TRIM37: variants seen among roughly 807,000 people sequenced by gnomAD.
The protein encoded by TRIM37 is tripartite motif containing 37.
TRIM37 carries 80 observed loss-of-function variants against 129.8 expected under a neutral mutation model. That is an observed-to-expected ratio of 0.62 (90% confidence interval 0.51 to 0.74). The LOEUF (loss-of-function observed/expected upper bound fraction) is 0.74. Ranked by LOEUF, TRIM37 falls within the 30% of genes least tolerant of loss-of-function variation. The probability of loss-of-function intolerance (pLI) is 0.00; values close to 1 mark genes in which losing one functional copy is unlikely to be tolerated. For synonymous variants in TRIM37, 389 were observed against 387.1 expected (o/e 1.00, Z -0.06); for missense variants, 1,054 against 1,176.5 (o/e 0.90, Z 1.52).
At chr17:59,078,163 TTATGG>T (rs1444018274) in intron 7 of TRIM37, among the ~76,000 whole-genome samples, 1 of 151,986 alleles carries the variant, frequency 6.6e-6, no homozygotes, top group Non-Finnish European at 1.5e-5. Flanking sequence ...GTGGCAGATA[TTATGG>T]TATGAATTAA....
chr17:59,056,702 C>T (rs549123935), intron 13 of TRIM37, among the ~76,000 whole-genome samples, 173 bp downstream of exon 13: 3 of 74,160 alleles, frequency 4.0e-5, no homozygotes, highest in East Asian at 9.0e-4. Context: ...GGCGACAGAG[C>T]GAGACTATGT....
At chr17:59,008,439 C>T (rs2034824783) in intron 22 of TRIM37, among the ~76,000 whole-genome samples, 1 of 152,194 alleles carries the variant, frequency 6.6e-6, no homozygotes, top group Non-Finnish European at 1.5e-5. Flanking sequence ...TTCACTATGG[C>T]CAAGCAAATG....
At position 59,038,658 on chromosome 17, in the gene TRIM37, G is replaced by T. The variant is rs115460683; in HGVS notation, c.1753+3155C>A. 3.0e-3 allele frequency among the ~76,000 whole-genome samples: 454 copies of T among 152,148 alleles called. 4 individuals are homozygous for T. Among genetic ancestry groups the T allele is most frequent in the African/African-American group, 0.011 (438 of 41,516 alleles). On this transcript the variant is annotated intron_variant, in intron 17 of 23. Transcript: ENST00000262294. ...AAGTGTATATAAATGTTATATACAA[G>T]AATCTCTCTACCACACAGTTTAAGA...
Position 59,039,594 on chromosome 17 carries a change from C to T in TRIM37, c.1753+2219G>A, listed in dbSNP as rs1289496024. ...TCTGCTGACATCGTGATCCACCCAC[C>T]TCGGCCTCCCAACGTGCTGGGATTA... On this transcript the variant is annotated intron_variant, in intron 17 of 23. Transcript: ENST00000262294. 1.3e-5 allele frequency among the ~76,000 whole-genome samples: 2 copies of T among 151,876 alleles called. 1 individual carries two copies. Among genetic ancestry groups the T allele is most frequent in the Non-Finnish European group, 2.9e-5 (2 of 67,968 alleles).
At chr17:59,022,444 C>T (rs973720894) in intron 19 of TRIM37, among the ~76,000 whole-genome samples, 1 of 152,140 alleles carries the variant, frequency 6.6e-6, no homozygotes. Context: ...AAGAAATTCT[C>T]GTAGTAAGAA....
intron 17 of TRIM37, among the ~76,000 whole-genome samples, chr17:59,041,040 G>A (rs924239933): frequency 2.6e-5 from 4 of 151,090 alleles, no homozygotes; most frequent in South Asian, 4.2e-4. Flanking sequence ...GCGACAGAGC[G>A]AGACTCCGTC....
intron 10 of TRIM37, among the ~76,000 whole-genome samples, chr17:59,063,905 G>A (rs760294498): frequency 1.3e-5 from 2 of 152,146 alleles, no homozygotes; most frequent in Non-Finnish European, 2.9e-5. Context: ...TATAATTCCA[G>A]CACTTTGGGA....
chr17:58,980,009 G>C, downstream of TRIM37: 5 of 1,614,038 alleles, frequency 3.1e-6, no homozygotes, highest in Non-Finnish European at 4.2e-6. The surrounding 1 kb of genome is among the most constrained non-coding windows in gnomAD (Gnocchi z 4.7). Context: ...CTGTGGGGAT[G>C]CAGATTCTGC....
chr17:58,970,030 T>C, the TRIM37 span, among the ~76,000 whole-genome samples: 1 of 152,186 alleles, frequency 6.6e-6, no homozygotes, highest in South Asian at 2.1e-4. Flanking sequence ...CCTGTCAGGT[T>C]CACACCAGGA....
intron 14 of TRIM37, among the ~76,000 whole-genome samples, chr17:59,050,631 G>A (rs1270691794): frequency 6.6e-6 from 1 of 151,658 alleles, no homozygotes; most frequent in African/African-American, 2.4e-5. Context: ...GCAGTTAGTG[G>A]AAATTGTGCC....
chr17:58,992,246 GATAT>G (rs58882631), intron 24 of TRIM37, among the ~76,000 whole-genome samples: 1 of 139,048 alleles, frequency 7.2e-6, no homozygotes, highest in Non-Finnish European at 1.5e-5. Flanking sequence ...CAGGCACACT[GATAT>G]ATATATATAT....
chr17:59,045,378 A>G (rs1320581208), intron 16 of TRIM37, among the ~76,000 whole-genome samples: 4 of 148,456 alleles, frequency 2.7e-5, no homozygotes, highest in African/African-American at 1.0e-4. Flanking sequence ...AGTGGATCAC[A>G]CCTGTAATTC....
chr17:59,006,976 G>A (rs966494023), intron 22 of TRIM37, among the ~76,000 whole-genome samples: 1 of 151,934 alleles, frequency 6.6e-6, no homozygotes, highest in African/African-American at 2.4e-5. Context: ...AAGTTGTTGA[G>A]GTGCTTAGAG....
At chr17:59,082,760 A>G (rs1273145690) in intron 5 of TRIM37, among the ~76,000 whole-genome samples, 2 of 152,224 alleles carry the variant, frequency 1.3e-5, no homozygotes, top group Non-Finnish European at 2.9e-5. Context: ...TTATTTAGCC[A>G]AAGTATCCCA....
intron 16 of TRIM37, among the ~76,000 whole-genome samples, chr17:59,043,635 C>T (rs77690229): frequency 6.6e-6 from 1 of 152,142 alleles, no homozygotes; most frequent in South Asian, 2.1e-4. Flanking sequence ...GGTGGAGACT[C>T]CCTTCTGCTG....
Position 59,070,815 on chromosome 17 carries a change from T to C in TRIM37, c.809+8A>G, listed in dbSNP as rs369578434. ...CAAATGAAAATGAAATTAAAAACTG[T>C]GTCATACCTGGTAAAGTCTGGTGGA... On this transcript the variant is annotated splice_region_variant and intron_variant, in intron 9 of 23. Coordinates refer to ENST00000262294, the MANE Select transcript of TRIM37 (RefSeq NM_015294.6). 7 of 1,613,564 alleles carry C rather than the reference T, an allele frequency of 4.3e-6. No homozygotes were observed. Among genetic ancestry groups the C allele is most frequent in the Non-Finnish European group, 5.9e-6 (7 of 1,179,742 alleles).
At chr17:59,053,065 C>T (rs570409725) in intron 13 of TRIM37, among the ~76,000 whole-genome samples, 22 of 152,244 alleles carry the variant, frequency 1.4e-4, no homozygotes, top group African/African-American at 3.8e-4. Flanking sequence ...TGAGCAGAGA[C>T]GATTCACAGT....
intron 4 of TRIM37, among the ~76,000 whole-genome samples, chr17:59,087,435 T>C (rs1460249556): frequency 6.6e-6 from 1 of 151,468 alleles, no homozygotes; most frequent in Non-Finnish European, 1.5e-5. Context: ...TAATGTGTTA[T>C]ACTACCATAA....
At chr17:59,014,898 C>T (rs1352765383) in intron 21 of TRIM37, among the ~76,000 whole-genome samples, 1 of 149,658 alleles carries the variant, frequency 6.7e-6, no homozygotes, top group Non-Finnish European at 1.5e-5. Flanking sequence ...AACCCCATCT[C>T]TACTAAAAAT....
Sources: gnomAD v4.1 joint callset for allele counts (sites outside exome capture counted in the v4.1 genomes callset) on GRCh38, gnomAD v4.1.1 for gene constraint, Gnocchi (gnomAD v3.1) non-coding constraint, MANE v1.5 for transcripts, NCBI Gene and HGNC (gene_info 2026-07-23, HGNC 2026-07-21) for gene names.